Variants in FREM2 observed in about 807,000 individuals in gnomAD.
The protein encoded by FREM2 is FRAS1-related extracellular matrix protein 2.
FREM2 carries 119 observed loss-of-function variants against 219.9 expected under a neutral mutation model. The observed-to-expected ratio is 0.54, with a 90% confidence interval of 0.47 to 0.63. The LOEUF is 0.63. FREM2 is among the 30% of genes least tolerant of loss of function. FREM2 has a pLI of 0.00. For synonymous variants in FREM2, 1,562 were observed against 1,522.8 expected (o/e 1.03, Z -0.60); for missense variants, 4,030 against 3,993.6 (o/e 1.01, Z -0.25).
chr13:38,864,682 G>A (rs1473092091), intron 16 of FREM2, 76 bp downstream of exon 16: 1 of 1,290,108 alleles, frequency 7.8e-7, no homozygotes, highest in Non-Finnish European at 1.1e-6. Flanking sequence ...TTTGTACTAA[G>A]TCCCAACTCC....
Position 38,876,118 on chromosome 13 carries a change from T to G in FREM2, c.8378T>G (p.Val2793Gly). The G allele has an allele frequency of 6.2e-7, 1 of 1,614,172 alleles. No homozygotes were observed. Among genetic ancestry groups the G allele is most frequent in the Non-Finnish European group, 8.5e-7 (1 of 1,180,022 alleles). Residue 2793 changes from valine (V) to glycine (G), a missense_variant, in exon 19 of 24, where the codon GTA (valine) becomes GGA (glycine). Val to Gly is a moderately radical substitution (Grantham distance 109, BLOSUM62 -3). Transcript: ENST00000280481. ...IRSEPTYNQP[V>G]QQWSFVSDFA... ...AGTGAACCAACCTATAACCAGCCAG[T>G]ACAGCAGTGGAGCTTTGTCTCTGAC... is the stretch of plus-strand genomic sequence containing the variant.
chr13:38,832,942 G>C (rs1876568086), intron 6 of FREM2, among the ~76,000 whole-genome samples: 3 of 152,084 alleles, frequency 2.0e-5, no homozygotes, highest in Admixed American at 1.3e-4. Context: ...AGGAGGCTGA[G>C]ACAGAAGATT....
intron 2 of FREM2, among the ~76,000 whole-genome samples, chr13:38,721,443 C>T (rs970979903): frequency 3.9e-5 from 6 of 152,106 alleles, no homozygotes; most frequent in African/African-American, 1.4e-4. Flanking sequence ...GGCAGCCACC[C>T]AGGGAGGGGG....
chr13:38,770,035 A>G (rs554136019), intron 4 of FREM2, among the ~76,000 whole-genome samples: 1 of 148,170 alleles, frequency 6.7e-6, no homozygotes, highest in African/African-American at 2.4e-5. Flanking sequence ...ATAAATATTT[A>G]TATAGTATAT....
At chr13:38,760,425 A>G (rs1483458143) in intron 2 of FREM2, among the ~76,000 whole-genome samples, 3 of 152,216 alleles carry the variant, frequency 2.0e-5, no homozygotes, top group East Asian at 3.8e-4. Context: ...TTACAGATAT[A>G]TAAGTAGAGA....
intron 2 of FREM2, among the ~76,000 whole-genome samples, chr13:38,719,116 C>G (rs1431254401): frequency 1.3e-5 from 2 of 152,178 alleles, no homozygotes; most frequent in Non-Finnish European, 2.9e-5. Context: ...CATCTGGAAG[C>G]CGAAGAGGAG....
In FREM2 at chr13:38,687,786, C is replaced by G; in HGVS notation, c.442C>G (p.Arg148Gly). 1 of 1,538,102 alleles carries G rather than the reference C, an allele frequency of 6.5e-7. No homozygotes were observed. Among genetic ancestry groups the G allele is most frequent in the South Asian group, 1.3e-5 (1 of 79,032 alleles). The change falls in exon 1 of 24, where the codon CGG (arginine) becomes GGG (glycine). Residue 148 changes from arginine (R) to glycine (G), a missense_variant. Arg to Gly is a moderately radical substitution (Grantham distance 125). This residue lies in a region of FREM2 where 3,102 missense variants were observed against 2,950.7 expected (regional missense o/e 1.05). Transcript: ENST00000280481. ...YSHLGARSPSRDRVRLQLRYD... is the reference protein window; with the variant it reads ...YSHLGARSPSGDRVRLQLRYD... ...TCACCTGGGCGCGCGCAGCCCGTCT[C>G]GGGACCGCGTCCGGCTGCAGCTGCG... is the stretch of plus-strand genomic sequence containing the variant.
chr13:38,795,174 G>A (rs559208828), intron 6 of FREM2, among the ~76,000 whole-genome samples: 1 of 152,060 alleles, frequency 6.6e-6, no homozygotes. Context: ...GAAAAAAATG[G>A]TCCAAAAACA....
At chr13:38,769,192 TA>T (rs1158146279) in intron 3 of FREM2, among the ~76,000 whole-genome samples, 1 of 152,194 alleles carries the variant, frequency 6.6e-6, no homozygotes, top group African/African-American at 2.4e-5. Context: ...GAATGTTTCT[TA>T]TTTTTTTTAT....
intron 2 of FREM2, among the ~76,000 whole-genome samples, chr13:38,751,189 GTTC>G (rs1215766314): frequency 1.1e-5 from 1 of 88,420 alleles, no homozygotes; most frequent in Non-Finnish European, 2.2e-5. Context: ...TCATATGACA[GTTC>G]TTTTTTTTTT....
rs1566129763 is a variant in FREM2 at position 38,754,904 on chromosome 13, T to TG, written c.5264-9400_5264-9399insG. ...TGATGATGATGATGATGATGATGAT[T>TG]ATTATTATTATTATTAGAGATGGAG... is the stretch of plus-strand genomic sequence containing the variant. On this transcript the variant is annotated intron_variant, in intron 2 of 23. Coordinates refer to ENST00000280481, the MANE Select transcript of FREM2 (RefSeq NM_207361.6). Among the ~76,000 whole-genome samples the TG allele has an allele frequency of 1.4e-4, 18 of 132,284 alleles. 1 individual carries two copies. Among genetic ancestry groups the TG allele is most frequent in the African/African-American group, 4.8e-4 (16 of 33,492 alleles). The allele number at this position is 132,284 out of a possible 152,430, so 86.8% of individuals were successfully genotyped here. A position where few individuals can be genotyped will look rare whatever the true frequency, so the allele number is the denominator to read the frequency against.
chr13:38,876,389 C>T lies in FREM2; in HGVS notation c.8544+7C>T. The T allele has an allele frequency of 6.2e-7, 1 of 1,611,410 alleles. No individual in the cohort carries two copies. Among genetic ancestry groups the T allele is most frequent in the South Asian group, 1.1e-5 (1 of 91,012 alleles). The stretch of plus-strand genomic sequence containing the variant: ...TGACATCCGATTCCAACAGGTGTGG[C>T]TTATAGAATTACTATCTTATGACTT... On this transcript the variant is annotated splice_region_variant and intron_variant, in intron 20 of 23. Transcript: ENST00000280481.
chr13:38,843,543 C>T (rs1014461821), intron 6 of FREM2, among the ~76,000 whole-genome samples: 6 of 151,840 alleles, frequency 4.0e-5, no homozygotes, highest in Non-Finnish European at 8.8e-5. Context: ...GCATAGATAC[C>T]TTTCAAAGGC....
chr13:38,719,094 C>T (rs895727315), intron 2 of FREM2, among the ~76,000 whole-genome samples: 18 of 152,146 alleles, frequency 1.2e-4, no homozygotes, highest in African/African-American at 4.3e-4. Context: ...AGGGTGTAGT[C>T]AGGGCTGTGT....
intron 2 of FREM2, among the ~76,000 whole-genome samples, chr13:38,754,950 T>G (rs1214068505): frequency 2.0e-5 from 3 of 149,906 alleles, no homozygotes; most frequent in Admixed American, 1.3e-4. Flanking sequence ...TCACCCAGGC[T>G]GGAGTGCAGT....
At chr13:38,861,704 A>G (rs1042951833) in intron 15 of FREM2, 142 bp downstream of exon 15, 2 of 904,634 alleles carry the variant, frequency 2.2e-6, no homozygotes, top group African/African-American at 1.6e-5. Context: ...ACTTCTTTCA[A>G]CTGTTTTAGC....
rs748189765 is a variant in FREM2 at position 38,691,860 on chromosome 13, A to G, written c.4516A>G (p.Ser1506Gly). Residue 1506 changes from serine to glycine, a missense_variant, in exon 1 of 24, where the codon AGT (serine) becomes GGT (glycine). By Grantham distance (56) the Ser-to-Gly change is moderately conservative. Coordinates refer to ENST00000280481, the MANE Select transcript of FREM2 (RefSeq NM_207361.6). ...AGCTGATGATGAAGTGAAAATGGAC[A>G]GTTTTGAGTTTCAAGTCACCGATGG... The part of the protein sequence containing the change: ...HTADDEVKMD[S>G]FEFQVTDGRN... 16 of 1,614,144 alleles carry G rather than the reference A, an allele frequency of 9.9e-6. No individual in the cohort carries two copies. Among genetic ancestry groups the G allele is most frequent in the East Asian group, 6.7e-5 (3 of 44,876 alleles).
At chr13:38,818,981 G>T (rs1456173792) in intron 6 of FREM2, among the ~76,000 whole-genome samples, 1 of 152,076 alleles carries the variant, frequency 6.6e-6, no homozygotes, top group Non-Finnish European at 1.5e-5. Context: ...TACCCTTATT[G>T]TGTCATTATA....
intron 6 of FREM2, among the ~76,000 whole-genome samples, chr13:38,825,980 A>C (rs1468935249): frequency 6.6e-6 from 1 of 152,172 alleles, no homozygotes; most frequent in Admixed American, 6.6e-5. Flanking sequence ...TGATATAAGA[A>C]GTCATATAAA....
Sources: allele counts gnomAD v4.1 joint callset (sites outside exome capture counted in the v4.1 genomes callset), GRCh38; gene constraint gnomAD v4.1.1; regional missense constraint gnomAD v4.1.1; transcripts MANE v1.5; gene names NCBI Gene and HGNC (gene_info 2026-07-23, HGNC 2026-07-21).